Variants in EBF1 observed in about 807,000 individuals in gnomAD.
EBF1 encodes transcription factor COE1.
In EBF1, 10 loss-of-function variants were observed where a neutral mutation model predicts 68.4. That is an observed-to-expected ratio of 0.15 (90% confidence interval 0.09 to 0.25). The LOEUF (loss-of-function observed/expected upper bound fraction) is 0.25. Ranked by LOEUF, EBF1 falls within the 10% of genes least tolerant of loss-of-function variation. The pLI, the probability that EBF1 is intolerant of heterozygous loss-of-function variation, is 1.00. For synonymous variants in EBF1, 298 were observed against 299.8 expected, an observed-to-expected ratio of 0.99 and a Z score of 0.06; for missense variants, 509 against 794.4, an observed-to-expected ratio of 0.64 and a Z score of 4.32.
chr5:158,762,025 T>A (rs1429694215), intron 10 of EBF1, among the ~76,000 whole-genome samples: 1 of 152,198 alleles, frequency 6.6e-6, no homozygotes, highest in Non-Finnish European at 1.5e-5. Flanking sequence ...AGTACTTTAT[T>A]CTGGTTGGCT....
At chr5:158,985,303 C>T (rs750607161) in intron 6 of EBF1, among the ~76,000 whole-genome samples, 1 of 152,184 alleles carries the variant, frequency 6.6e-6, no homozygotes, top group East Asian at 1.9e-4. Flanking sequence ...AGCCACTGAA[C>T]ATCACCTATC....
chr5:159,052,591 C>A (rs1227542033), intron 6 of EBF1, among the ~76,000 whole-genome samples: 1 of 152,194 alleles, frequency 6.6e-6, no homozygotes, highest in East Asian at 1.9e-4. Flanking sequence ...TTTTCTCCCT[C>A]GCTCTCAGAG....
intron 6 of EBF1, among the ~76,000 whole-genome samples, chr5:158,965,792 G>A (rs760603949): frequency 2.0e-5 from 3 of 152,160 alleles, no homozygotes; most frequent in Non-Finnish European, 4.4e-5. Flanking sequence ...TTTATGTTAT[G>A]AGTAATATTT....
At chr5:158,770,985 T>G (rs1561876227) in intron 10 of EBF1, among the ~76,000 whole-genome samples, 1 of 152,172 alleles carries the variant, frequency 6.6e-6, no homozygotes, top group Non-Finnish European at 1.5e-5. Flanking sequence ...TAGAACTGGT[T>G]TAGAACATTG....
At chr5:159,031,111 T>G (rs1584096570) in intron 6 of EBF1, among the ~76,000 whole-genome samples, 1 of 151,872 alleles carries the variant, frequency 6.6e-6, no homozygotes, top group South Asian at 2.1e-4. Flanking sequence ...GAGGCGGAGG[T>G]TGTGGTGAGC....
Position 158,888,988 on chromosome 5 carries a change from C to A in EBF1, c.555-48878G>T, listed in dbSNP as rs572438402. On this transcript the variant is annotated intron_variant, in intron 6 of 15. Coordinates refer to ENST00000313708, the MANE Select transcript of EBF1 (RefSeq NM_024007.5). ...TGAATAATTCTCTTCCTTTCCTGCTCCCATCCCATCCATGTATTTAGGTAT... is the reference window on the plus strand; with the variant it reads ...TGAATAATTCTCTTCCTTTCCTGCTACCATCCCATCCATGTATTTAGGTAT... Among the ~76,000 whole-genome samples, 251 of 152,282 alleles carry A rather than the reference C, an allele frequency of 1.6e-3. 2 individuals are homozygous for A. The highest frequency in any genetic ancestry group is 2.3e-3 in the Non-Finnish European group (158 of 68,020).
chr5:158,885,096 G>A (rs1372350172), intron 6 of EBF1, among the ~76,000 whole-genome samples: 2 of 152,212 alleles, frequency 1.3e-5, no homozygotes, highest in Non-Finnish European at 2.9e-5. Context: ...AGTGTGGTAG[G>A]AGGCCAGGTC....
intron 11 of EBF1, 148 bp from the exon 12 acceptor site, chr5:158,714,330 A>C (rs1447913312): frequency 1.8e-5 from 14 of 792,884 alleles, no homozygotes; most frequent in Non-Finnish European, 1.7e-5. Context: ...AGGGTGTTAA[A>C]TCACCAATTT....
chr5:158,862,490 G>A (rs559284729), intron 6 of EBF1, among the ~76,000 whole-genome samples: 1 of 152,240 alleles, frequency 6.6e-6, no homozygotes, highest in East Asian at 1.9e-4. Context: ...TCTTGGACTA[G>A]AAGTAACTAC....
At chr5:158,770,621 C>G (rs1773671525) in intron 10 of EBF1, among the ~76,000 whole-genome samples, 1 of 152,102 alleles carries the variant, frequency 6.6e-6, no homozygotes, top group South Asian at 2.1e-4. Context: ...CACTGCAATT[C>G]TTACAGCCGT....
chr5:158,953,968 T>C (rs1377440049), intron 6 of EBF1, among the ~76,000 whole-genome samples: 1 of 152,232 alleles, frequency 6.6e-6, no homozygotes, highest in Non-Finnish European at 1.5e-5. Context: ...ACTGTATTTT[T>C]CCCAATCTGC....
intron 8 of EBF1, among the ~76,000 whole-genome samples, chr5:158,811,871 C>T (rs1398437926): frequency 1.3e-5 from 2 of 152,044 alleles, no homozygotes; most frequent in East Asian, 3.9e-4. Context: ...ATGTTTTATC[C>T]CCACGTGGAA....
At chr5:158,893,613 T>C (rs958252498) in intron 6 of EBF1, among the ~76,000 whole-genome samples, 4 of 152,180 alleles carry the variant, frequency 2.6e-5, no homozygotes, top group African/African-American at 9.7e-5. Flanking sequence ...GCTCACTTAA[T>C]CCTTTGCTGA....
At chr5:159,026,612 T>A (rs58034348) in intron 6 of EBF1, among the ~76,000 whole-genome samples, 2 of 152,066 alleles carry the variant, frequency 1.3e-5, no homozygotes, top group African/African-American at 4.8e-5. Flanking sequence ...CAGAAAAAAA[T>A]CCACCCCACA....
At chr5:158,763,027 T>G (rs1004825062) in intron 10 of EBF1, among the ~76,000 whole-genome samples, 2 of 152,168 alleles carry the variant, frequency 1.3e-5, no homozygotes, top group African/African-American at 4.8e-5. Context: ...AAACAGGTTT[T>G]AATCTTATCC....
intron 7 of EBF1, among the ~76,000 whole-genome samples, chr5:158,836,162 GCTGA>G (rs932704970): frequency 6.6e-6 from 1 of 152,164 alleles, no homozygotes; most frequent in Non-Finnish European, 1.5e-5. Flanking sequence ...TCAGTTTGGG[GCTGA>G]CTGAGTTGAA....
At chr5:158,923,764 G>A (rs924402903) in intron 6 of EBF1, among the ~76,000 whole-genome samples, 1 of 152,164 alleles carries the variant, frequency 6.6e-6, no homozygotes, top group Non-Finnish European at 1.5e-5. Flanking sequence ...TTCACTGTAA[G>A]GTCCCTTTCA....
chr5:159,062,203 C>T (rs1775978786), intron 6 of EBF1, among the ~76,000 whole-genome samples: 1 of 152,172 alleles, frequency 6.6e-6, no homozygotes, highest in Non-Finnish European at 1.5e-5. Context: ...AACTTCCTTC[C>T]TCGAGTAGAC....
Position 158,850,551 on chromosome 5 carries a change from A to G in EBF1, c.555-10441T>C, listed in dbSNP as rs1185515691. ...ATGAGTCCACTTGGACCAGAGGGGC[A>G]TTTGAAGAATTTTGATGCACACTAA... On this transcript the variant is annotated intron_variant, in intron 6 of 15. Coordinates refer to ENST00000313708, the MANE Select transcript of EBF1 (RefSeq NM_024007.5). Among the ~76,000 whole-genome samples the G allele has an allele frequency of 2.6e-5, 4 of 152,214 alleles. No individual in the cohort carries two copies. The East Asian group carries it at 7.7e-4, about 29-fold the overall frequency.
Sources: gnomAD v4.1 joint callset for allele counts (sites outside exome capture counted in the v4.1 genomes callset) on GRCh38, gnomAD v4.1.1 for gene constraint, MANE v1.5 for transcripts, NCBI Gene and HGNC (gene_info 2026-07-23, HGNC 2026-07-21) for gene names.